Variants in RPAP3 observed in about 807,000 individuals in gnomAD.
RPAP3 encodes RNA polymerase II-associated protein 3.
RPAP3 carries 58 observed loss-of-function variants against 88.8 expected under a neutral mutation model. The observed-to-expected ratio is 0.65, with a 90% CI of 0.53 to 0.81. The LOEUF (loss-of-function observed/expected upper bound fraction) is 0.81. Among genes scored for constraint, RPAP3 ranks in the 40% least tolerant of loss-of-function variants. The pLI, the probability that RPAP3 is intolerant of heterozygous loss-of-function variation, is 0.00. For missense variants in RPAP3, 751 were observed against 764.3 expected (o/e 0.98, Z 0.20); for synonymous variants, 255 against 259.9 (o/e 0.98, Z 0.18).
chr12:47,692,974 G>A (rs1461195133), intron 5 of RPAP3, among the ~76,000 whole-genome samples: 1 of 152,110 alleles, frequency 6.6e-6, no homozygotes, highest in Non-Finnish European at 1.5e-5. Flanking sequence ...CTGCCTCCTG[G>A]GCTCAAGTGA....
chr12:47,667,283 G>T (rs897815373), intron 15 of RPAP3, among the ~76,000 whole-genome samples: 1 of 152,038 alleles, frequency 6.6e-6, no homozygotes, highest in East Asian at 1.9e-4. Context: ...AGCTTAGTAC[G>T]GAAACTATTA....
intron 16 of RPAP3, 52 bp from the exon 17 acceptor site, chr12:47,663,642 G>T: frequency 9.1e-7 from 1 of 1,104,372 alleles, no homozygotes; most frequent in Non-Finnish European, 1.3e-6. Context: ...TAAAAACCAA[G>T]CAAAATGTAA....
At chr12:47,698,972 T>C (rs1939592509) in intron 3 of RPAP3, among the ~76,000 whole-genome samples, 1 of 152,166 alleles carries the variant, frequency 6.6e-6, no homozygotes, top group Admixed American at 6.5e-5. Context: ...AAACATGGAC[T>C]AAAATTTAGC....
Position 47,663,511 on chromosome 12 carries a change from AC to A in RPAP3, c.1991del (p.Gly664ValfsTer8), listed in dbSNP as rs764554063. 10 of 1,580,672 alleles carry A rather than the reference AC, an allele frequency of 6.3e-6. No homozygotes were observed. The South Asian group carries it at 1.2e-4, about 18-fold the overall frequency. On this transcript the variant is annotated frameshift_variant, in exon 17 of 17. Coordinates refer to ENST00000005386, the MANE Select transcript of RPAP3 (RefSeq NM_024604.3). LOFTEE classifies it high-confidence loss of function. ...ATTTCAGCAAAAATGGAAATCAACC[AC>A]CGTATCTTTTCTTGAGTTCTTCGAC... ...SSVEELKKRY[G>X]G is the part of the protein sequence containing the mutation.
chr12:47,697,741 C>T (rs1565723132), intron 3 of RPAP3, 22 bp from the exon 4 acceptor site: 6 of 1,360,652 alleles, frequency 4.4e-6, no homozygotes, highest in Non-Finnish European at 6.0e-6. Flanking sequence ...AGACGGAAAA[C>T]AGGGGTCATA....
intron 5 of RPAP3, among the ~76,000 whole-genome samples, chr12:47,693,189 C>T (rs965171611): frequency 3.9e-5 from 6 of 151,922 alleles, no homozygotes; most frequent in Admixed American, 6.6e-5. Flanking sequence ...CCTCACTGTA[C>T]GGTTATTAAC....
intron 16 of RPAP3, among the ~76,000 whole-genome samples, chr12:47,664,258 C>T (rs957246934): frequency 4.6e-5 from 7 of 152,078 alleles, no homozygotes; most frequent in African/African-American, 9.7e-5. Flanking sequence ...CGAGTGATGG[C>T]GGGCGCCTGT....
intron 16 of RPAP3, among the ~76,000 whole-genome samples, chr12:47,665,797 C>T (rs1472191273): frequency 6.6e-6 from 1 of 151,716 alleles, no homozygotes; most frequent in East Asian, 1.9e-4. Context: ...CACGCCACTG[C>T]AACCAACTCA....
In RPAP3 at chr12:47,704,649, A is replaced by C. The variant is rs1391479293; in HGVS notation, c.-7+1303T>G. Among the ~76,000 whole-genome samples, 3 of 150,956 alleles carry C rather than the reference A, an allele frequency of 2.0e-5. No individual in the cohort carries two copies. The East Asian group carries it at 6.0e-4, about 30-fold the overall frequency. On this transcript the variant is annotated intron_variant, in intron 1 of 16. Transcript: ENST00000005386. ...CACCTCGGCCTCCCAAAGTGCTGGG[A>C]TTATAGGCATGAGCCACCGCGCCTG...
intron 12 of RPAP3, among the ~76,000 whole-genome samples, chr12:47,674,417 T>C (rs576337029): frequency 1.3e-5 from 2 of 152,132 alleles, no homozygotes; most frequent in Non-Finnish European, 2.9e-5. Flanking sequence ...TTGACAGAAG[T>C]AGGCTTCAGA....
At position 47,690,652 on chromosome 12, in the gene RPAP3, A is replaced by ATT; in HGVS notation, c.546-14_546-13insAA. 1 of 1,445,880 alleles carries ATT rather than the reference A, an allele frequency of 6.9e-7. No homozygotes were observed. The highest frequency in any genetic ancestry group is 9.2e-7 in the Non-Finnish European group (1 of 1,082,122). 89.6% of individuals were successfully genotyped at this position (1,445,880 alleles called of 1,614,324 possible). ...AGCAACAGCAAATCTGCAATTTAAA[A>ATT]ACATTAAAATAAATAAAGTTAATAA... is the stretch of plus-strand genomic sequence containing the variant. On this transcript the variant is annotated splice_polypyrimidine_tract_variant and intron_variant, in intron 5 of 16. Transcript: ENST00000005386.
intron 5 of RPAP3, 116 bp from the exon 6 acceptor site, chr12:47,690,755 AT>A: frequency 9.6e-6 from 6 of 625,574 alleles, no homozygotes; most frequent in Non-Finnish European, 1.2e-5. Context: ...CACTGAAGGC[AT>A]TTTTCCCACC....
chr12:47,695,522 T>C (rs1479291837), intron 5 of RPAP3, among the ~76,000 whole-genome samples: 2 of 152,134 alleles, frequency 1.3e-5, no homozygotes, highest in Non-Finnish European at 1.5e-5. Context: ...ATAATGGTAA[T>C]GTTCTGGTTC....
At chr12:47,701,660 T>C (rs1165560669) in intron 2 of RPAP3, 56 bp from the exon 3 acceptor site, 2 of 1,292,414 alleles carry the variant, frequency 1.5e-6, no homozygotes, top group Non-Finnish European at 2.0e-6. Flanking sequence ...TTACTCTTTG[T>C]ATAACTAGCT....
intron 3 of RPAP3, among the ~76,000 whole-genome samples, chr12:47,698,559 G>C (rs1188580351): frequency 6.6e-6 from 1 of 151,584 alleles, no homozygotes; most frequent in African/African-American, 2.4e-5. Context: ...TGTTGCCTAG[G>C]CTGGAGTGCA....
intron 12 of RPAP3, among the ~76,000 whole-genome samples, chr12:47,673,015 A>AATT (rs1337961587): frequency 2.6e-5 from 4 of 152,248 alleles, no homozygotes; most frequent in Admixed American, 6.5e-5. Context: ...GTAAAAGTTT[A>AATT]AACTACATTT....
At chr12:47,682,082 G>C (rs369922570) in intron 9 of RPAP3, among the ~76,000 whole-genome samples, 1 of 152,182 alleles carries the variant, frequency 6.6e-6, no homozygotes, top group East Asian at 1.9e-4. Context: ...AATATGACTA[G>C]GGCAGACAAA....
At chr12:47,681,594 A>C in intron 10 of RPAP3, 102 bp downstream of exon 10, 1 of 1,193,124 alleles carries the variant, frequency 8.4e-7, no homozygotes, top group South Asian at 1.5e-5. Flanking sequence ...ATAATTCCCT[A>C]AGTTCAGTAT....
Position 47,679,791 on chromosome 12 carries a change from A to T in RPAP3, c.1115-17T>A, listed in dbSNP as rs200687472. ...TTTCAAAATCTAAAGCGAATTTTTT[A>T]AAAACATTACAACATAGTTAAAATG... On this transcript the variant is annotated splice_polypyrimidine_tract_variant and intron_variant, in intron 10 of 16. Transcript: ENST00000005386. The T allele has an allele frequency of 3.2e-5, 49 of 1,550,268 alleles. No homozygotes were observed. Among genetic ancestry groups the T allele is most frequent in the Non-Finnish European group, 8.9e-6 (10 of 1,127,554 alleles).
Sources: allele counts gnomAD v4.1 joint callset (sites outside exome capture counted in the v4.1 genomes callset), GRCh38; gene constraint gnomAD v4.1.1; transcripts MANE v1.5; gene names NCBI Gene and HGNC (gene_info 2026-07-23, HGNC 2026-07-21).